The following SALL4 variants were observed in gnomAD, a reference collection of about 807,000 sequenced individuals.
SALL4 encodes the protein sal-like protein 4.
Under a neutral mutation model 60.8 loss-of-function variants are expected in SALL4, and 4 were observed. The ratio of observed to expected loss-of-function variants is 0.07; its 90% CI spans 0.03 to 0.15. The LOEUF (loss-of-function observed/expected upper bound fraction) is 0.15. Ranked by LOEUF, SALL4 falls within the 10% of genes least tolerant of loss-of-function variation. The pLI, the probability that SALL4 is intolerant of heterozygous loss-of-function variation, is 1.00. For synonymous variants in SALL4, 580 were observed against 574.9 expected, an observed-to-expected ratio of 1.01 and a Z score of -0.13; for missense variants, 1,178 against 1,394.7, an observed-to-expected ratio of 0.84 and a Z score of 2.48.
chr20:51,798,896 C>T (rs1454923142), intron 1 of SALL4, among the ~76,000 whole-genome samples: 1 of 152,026 alleles, frequency 6.6e-6, no homozygotes. Context: ...GTTCCTTGGG[C>T]TCTGGGGCGA....
intron 1 of SALL4, among the ~76,000 whole-genome samples, chr20:51,799,320 A>G (rs2078096804): frequency 6.6e-6 from 1 of 152,224 alleles, no homozygotes; most frequent in Non-Finnish European, 1.5e-5. Context: ...GCTGGCTTCA[A>G]GGTTACACAG....
In SALL4 at chr20:51,791,636, C is replaced by G; in HGVS notation, c.847G>C (p.Gly283Arg). ...ALLSQKAGSQGLSLDALKQAK... is the reference protein window; with the variant it reads ...ALLSQKAGSQRLSLDALKQAK... ...TGTTTCAAGGCATCCAGAGACAGAC[C>G]TTGGCTTCCAGCTTTCTGGCTGAGC... Residue 283 changes from glycine (G) to arginine (R), a missense_variant, in exon 2 of 4, where the codon GGT (glycine) becomes CGT (arginine). By Grantham distance (125) the Gly-to-Arg change is moderately radical (BLOSUM62 -2). Around this residue, in one of 5 missense-constraint regions of SALL4, gnomAD observed 853 missense variants for 1,036.8 expected, o/e 0.82. Coordinates refer to ENST00000217086, the MANE Select transcript of SALL4 (RefSeq NM_020436.5). The surrounding 1 kb of genome is among the most constrained non-coding windows in gnomAD (Gnocchi z 4.6). 1.2e-6 allele frequency: 2 copies of G among 1,613,998 alleles called. No individual in the cohort carries two copies. Among genetic ancestry groups the G allele is most frequent in the Non-Finnish European group, 1.7e-6 (2 of 1,180,046 alleles).
rs1477583291 is a variant in SALL4 at position 51,788,789 on chromosome 20, A to G, written c.2742+72T>C. ...GAGGAATGGAAGGATGGAAGAACTC[A>G]TCACGGCTTGTGCCAATAAGAAGAC... On this transcript the variant is annotated intron_variant, in intron 3 of 3. Transcript: ENST00000217086. This position sits in a 1 kb window ranked among gnomAD's most constrained non-coding sequence, Gnocchi z 4.1. 6.3e-7 allele frequency: 1 copy of G among 1,587,822 alleles called. No homozygotes were observed. Among genetic ancestry groups the G allele is most frequent in the Non-Finnish European group, 8.6e-7 (1 of 1,164,330 alleles).
intron 1 of SALL4, chr20:51,792,746 G>A (rs919912641): frequency 1.9e-6 from 2 of 1,054,486 alleles, no homozygotes; most frequent in African/African-American, 3.4e-5. Context: ...TTTTGTAACT[G>A]GGGCTTACTT....
At chr20:51,798,163 G>A (rs1466056026) in intron 1 of SALL4, among the ~76,000 whole-genome samples, 1 of 152,218 alleles carries the variant, frequency 6.6e-6, no homozygotes, top group Non-Finnish European at 1.5e-5. Flanking sequence ...ATAGAAGGCA[G>A]ATAAGACTTT....
rs1207718405 is a variant in SALL4 at position 51,784,536 on chromosome 20, A to G, written c.2891T>C (p.Val964Ala). The G allele has an allele frequency of 6.2e-7, 1 of 1,614,086 alleles. No individual in the cohort carries two copies. The highest frequency in any genetic ancestry group is 1.3e-5 in the African/African-American group (1 of 74,938). Residue 964 changes from valine to alanine, a missense_variant, in exon 4 of 4, where the codon GTG becomes GCG. By Grantham distance (64) the Val-to-Ala change is moderately conservative (BLOSUM62 0). Transcript: ENST00000217086. ...GTACTGGTTCCACACAACAGGGTCC[A>G]CATTCACTGAAGGGGCCAGGATTTC... ...PKEILAPSVN[V>A]DPVVWNQYTS...
At position 51,791,133 on chromosome 20, in the gene SALL4, C is replaced by T. The variant is rs768322315; in HGVS notation, c.1350G>A (p.Ala450=). ...GTGCATAGGGGATGCCATTGCCGGC[C>T]GCCACTTTGTCCTGGAACTCGGCAA... ...QLFAEFQDKV[A]AGNGIPYALS... Residue 450 remains alanine (A), a synonymous_variant, in exon 2 of 4, where the codon GCG becomes GCA. Coordinates refer to ENST00000217086, the MANE Select transcript of SALL4 (RefSeq NM_020436.5). The surrounding 1 kb of genome is among the most constrained non-coding windows in gnomAD (Gnocchi z 4.6). 48 of 1,613,976 alleles carry T rather than the reference C, an allele frequency of 3.0e-5. No individual in the cohort carries two copies. Among genetic ancestry groups the T allele is most frequent in the South Asian group, 2.5e-4 (23 of 91,076 alleles).
At chr20:51,785,636 ATTTTTTTTTGAGTCCT>A (rs1170255002) in intron 3 of SALL4, among the ~76,000 whole-genome samples, 4 of 150,450 alleles carry the variant, frequency 2.7e-5, no homozygotes, top group African/African-American at 9.7e-5. Context: ...CAGGGTTAAC[ATTTTTTTTTGAGTCCT>A]TTTTTTTTTG....
In SALL4 at chr20:51,800,195, C is replaced by A. The variant is rs143313552; in HGVS notation, c.130+2084G>T. 6.6e-5 allele frequency among the ~76,000 whole-genome samples: 10 copies of A among 152,212 alleles called. No individual in the cohort carries two copies. In the East Asian group the frequency reaches 1.7e-3, roughly 27 times the overall value. On this transcript the variant is annotated intron_variant, in intron 1 of 3. Transcript: ENST00000217086. ...ATCAAGCAGGCGACCGGCACGAATCCCCTAGGGTACCCATCCTTGGCCCAG... is the reference window on the plus strand; with the variant it reads ...ATCAAGCAGGCGACCGGCACGAATCACCTAGGGTACCCATCCTTGGCCCAG...
intron 1 of SALL4, 125 bp from the exon 2 acceptor site, chr20:51,792,477 T>C: frequency 2.4e-6 from 3 of 1,226,200 alleles, no homozygotes; most frequent in South Asian, 2.5e-5. Flanking sequence ...TCACCTGAGG[T>C]TGGGAATTCA....
intron 2 of SALL4, 59 bp downstream of exon 2, chr20:51,789,963 C>A (rs760581412): frequency 3.1e-6 from 5 of 1,602,758 alleles, no homozygotes; most frequent in Admixed American, 3.3e-5. Context: ...TCAACCCAGG[C>A]TCCTTTTTGA....
At chr20:51,796,422 T>G (rs1224034823) in intron 1 of SALL4, among the ~76,000 whole-genome samples, 1 of 152,120 alleles carries the variant, frequency 6.6e-6, no homozygotes, top group African/African-American at 2.4e-5. Context: ...CCAACACAAA[T>G]TCATAAACTT....
Position 51,783,387 on chromosome 20 carries a change from T to A in SALL4, c.*878A>T, listed in dbSNP as rs1278939192. The A allele has an allele frequency of 1.3e-5, 2 of 152,096 alleles. No homozygotes were observed. The highest frequency in any genetic ancestry group is 2.9e-5 in the Non-Finnish European group (2 of 68,022). 9.4% of individuals were successfully genotyped at this position (152,096 alleles called of 1,614,324 possible). A position where few individuals can be genotyped will look rare whatever the true frequency, so the allele number is the denominator to read the frequency against. The stretch of plus-strand genomic sequence containing the variant: ...TAAGGTTGAAGCAGTTTTATAATTC[T>A]ACAACCCTAGTTTTTTGTTGTTCCT... On this transcript the variant is annotated 3_prime_UTR_variant, in exon 4 of 4. Transcript: ENST00000217086.
At position 51,802,453 on chromosome 20, in the gene SALL4, C is replaced by A. The variant is rs1250185809; in HGVS notation, c.-45G>T. The A allele has an allele frequency of 1.2e-6, 2 of 1,611,674 alleles. No homozygotes were observed. The highest frequency in any genetic ancestry group is 1.3e-5 in the African/African-American group (1 of 74,918). ...CGGGAGAGCCGCAGTTATTTGCCCT[C>A]TCCGCCACAAATTCCTGGAGTTGGG... On this transcript the variant is annotated 5_prime_UTR_variant, in exon 1 of 4. Transcript: ENST00000217086.
At chr20:51,789,761 G>T (rs921470350) in intron 2 of SALL4, among the ~76,000 whole-genome samples, 1 of 152,062 alleles carries the variant, frequency 6.6e-6, no homozygotes, top group Non-Finnish European at 1.5e-5. Context: ...GTCCCAAGGG[G>T]CTCAAAGACA....
chr20:51,791,686 T>C lies in SALL4; in HGVS notation c.797A>G (p.Gln266Arg). The C allele has an allele frequency of 1.2e-6, 2 of 1,614,204 alleles. No homozygotes were observed. The highest frequency in any genetic ancestry group is 1.7e-6 in the Non-Finnish European group (2 of 1,180,042). The stretch of plus-strand genomic sequence containing the variant: ...CAAAGCCACAGCTGCAGAAACCTGC[T>C]GAGACATGTGGCTGCCCAAGGTCTT... ...TLKTLGSHMS[Q>R]QVSAAVALLS... is the part of the protein sequence containing the mutation. Residue 266 changes from glutamine (Q) to arginine (R), a missense_variant, in exon 2 of 4, where the codon CAG becomes CGG. By Grantham distance (43) the Gln-to-Arg change is conservative. Transcript: ENST00000217086. This position sits in a 1 kb window ranked among gnomAD's most constrained non-coding sequence, Gnocchi z 4.6.
chr20:51,787,656 CTT>C (rs5841861), intron 3 of SALL4, among the ~76,000 whole-genome samples: 1 of 150,094 alleles, frequency 6.7e-6, no homozygotes, highest in Non-Finnish European at 1.5e-5. Context: ...TTTTCAGCTT[CTT>C]TTTTTTTTAT....
Position 51,788,715 on chromosome 20 carries a change from T to C in SALL4, c.2742+146A>G, listed in dbSNP as rs1568862058. The C allele has an allele frequency of 4.1e-6, 4 of 970,410 alleles. No individual in the cohort carries two copies. The highest frequency in any genetic ancestry group is 1.6e-5 in the African/African-American group (1 of 60,878). The allele number at this position is 970,410 out of a possible 1,614,324, so 60.1% of individuals were successfully genotyped here. A position where few individuals can be genotyped will look rare whatever the true frequency, so the allele number is the denominator to read the frequency against. ...TCCGTCTCAAAAATAAATAAATAAA[T>C]AAACAAACTCCTGGACTCAAGCAAT... On this transcript the variant is annotated intron_variant, in intron 3 of 3. Transcript: ENST00000217086. The surrounding 1 kb of genome is among the most constrained non-coding windows in gnomAD (Gnocchi z 4.1).
At chr20:51,798,626 A>G (rs996979841) in intron 1 of SALL4, among the ~76,000 whole-genome samples, 15 of 152,248 alleles carry the variant, frequency 9.9e-5, no homozygotes, top group African/African-American at 3.6e-4. Context: ...TTTCCAGGGT[A>G]GTACAACCCA....
Sources: allele counts gnomAD v4.1 joint callset (sites outside exome capture counted in the v4.1 genomes callset), GRCh38; gene constraint gnomAD v4.1.1; regional missense constraint gnomAD v4.1.1; non-coding constraint Gnocchi (gnomAD v3.1); transcripts MANE v1.5; gene names NCBI Gene and HGNC (gene_info 2026-07-23, HGNC 2026-07-21).